SUGCT: variants seen among roughly 807,000 people sequenced by gnomAD.
SUGCT encodes the protein succinyl-CoA:glutarate CoA-transferase.
In SUGCT, 41 loss-of-function variants were observed where a neutral mutation model predicts 55.0. That is an observed-to-expected ratio of 0.74 (90% CI 0.58 to 0.97). The LOEUF is 0.97. Among genes scored for constraint, SUGCT ranks in the 50% least tolerant of loss-of-function variants. The pLI is 0.00. For synonymous variants in SUGCT, 187 were observed against 200.4 expected (o/e 0.93, Z 0.56); for missense variants, 568 against 547.8 (o/e 1.04, Z -0.37).
At chr7:40,661,024 G>A (rs1205496483) in intron 12 of SUGCT, among the ~76,000 whole-genome samples, 1 of 152,134 alleles carries the variant, frequency 6.6e-6, no homozygotes, top group Non-Finnish European at 1.5e-5. Context: ...AACAATGTCA[G>A]TGAAAAAACA....
intron 10 of SUGCT, among the ~76,000 whole-genome samples, chr7:40,458,693 T>C (rs371172269): frequency 2.3e-4 from 35 of 152,308 alleles, no homozygotes; most frequent in African/African-American, 7.7e-4. Context: ...ACAAGATACA[T>C]GTAGATATGC....
At chr7:40,924,141 C>T in the SUGCT span, among the ~76,000 whole-genome samples, 2 of 152,140 alleles carry the variant, frequency 1.3e-5, no homozygotes, top group African/African-American at 2.4e-5. Context: ...TTTCCAGCCT[C>T]CAGAACTGTG....
chr7:40,307,536 A>T (rs1034244253), intron 8 of SUGCT, among the ~76,000 whole-genome samples: 1 of 152,204 alleles, frequency 6.6e-6, no homozygotes, highest in African/African-American at 2.4e-5. Context: ...AGATTATCAG[A>T]CTACTCAGTG....
chr7:40,867,193 TTA>T, the SUGCT span, among the ~76,000 whole-genome samples: 1 of 148,930 alleles, frequency 6.7e-6, no homozygotes, highest in South Asian at 2.1e-4. Flanking sequence ...ATATATATAT[TTA>T]TGTCTCTATA....
At chr7:40,313,030 A>G (rs1795247967) in intron 8 of SUGCT, among the ~76,000 whole-genome samples, 1 of 152,144 alleles carries the variant, frequency 6.6e-6, no homozygotes. Context: ...AATTGGGCAT[A>G]TTCTTCCTCA....
chr7:40,622,500 C>T (rs1300096067), intron 12 of SUGCT, among the ~76,000 whole-genome samples: 1 of 143,534 alleles, frequency 7.0e-6, no homozygotes, highest in Non-Finnish European at 1.5e-5. Context: ...TGATCTCAGA[C>T]TTAACTGCCC....
chr7:40,864,286 A>G (rs901831373), downstream of SUGCT, among the ~76,000 whole-genome samples: 4 of 152,118 alleles, frequency 2.6e-5, no homozygotes, highest in African/African-American at 9.7e-5. Context: ...CCTCCCAAGT[A>G]GCTGGGACTA....
chr7:40,799,269 CTTTTCT>C (rs1370928422), intron 13 of SUGCT, among the ~76,000 whole-genome samples: 1 of 152,026 alleles, frequency 6.6e-6, no homozygotes, highest in Non-Finnish European at 1.5e-5. Flanking sequence ...CCTTTCTTTC[CTTTTCT>C]TTTTCTTTTT....
At chr7:40,288,882 A>G (rs1793529145) in intron 8 of SUGCT, among the ~76,000 whole-genome samples, 1 of 152,200 alleles carries the variant, frequency 6.6e-6, no homozygotes, top group Non-Finnish European at 1.5e-5. Context: ...CAAAGTCTCA[A>G]TAGCCACATG....
chr7:40,516,143 A>G (rs1793218085), intron 12 of SUGCT, among the ~76,000 whole-genome samples: 3 of 152,146 alleles, frequency 2.0e-5, no homozygotes, highest in African/African-American at 4.8e-5. Context: ...GGTATTATTG[A>G]CGCGTTGTCT....
intron 9 of SUGCT, among the ~76,000 whole-genome samples, chr7:40,427,125 T>C (rs1787627351): frequency 6.6e-6 from 1 of 152,198 alleles, no homozygotes; most frequent in Non-Finnish European, 1.5e-5. Context: ...TAGCACATTT[T>C]AAATTTTGAT....
At chr7:40,245,423 A>ATATTTTTTTTTTTT (rs1344678220) in intron 7 of SUGCT, among the ~76,000 whole-genome samples, 1 of 54,606 alleles carries the variant, frequency 1.8e-5, no homozygotes, top group Non-Finnish European at 3.3e-5. Flanking sequence ...ATATATATAT[A>ATATTTTTTTTTTTT]TTTTTTTTTT....
the SUGCT span, among the ~76,000 whole-genome samples, chr7:40,881,259 T>C: frequency 1.3e-5 from 2 of 152,212 alleles, no homozygotes; most frequent in African/African-American, 4.8e-5. Context: ...CGCTGCTATA[T>C]AGAACACAAC....
intron 12 of SUGCT, among the ~76,000 whole-genome samples, chr7:40,527,141 GTCTTTATGA>G (rs1207618298): frequency 6.6e-6 from 1 of 152,096 alleles, no homozygotes; most frequent in Non-Finnish European, 1.5e-5. Flanking sequence ...ATTCCTTTAA[GTCTTTATGA>G]TCTAAATATT....
rs575478332 is a variant in SUGCT, at chr7:40,727,996, ATAC to A, written c.1090-21434_1090-21432del. On this transcript the variant is annotated intron_variant, in intron 12 of 13. Transcript: ENST00000335693. ...TTTTAGACAGGTTCTTACCAATTAGATACTACAAGTATTCTGAGATGAGCATTT... is the reference window on the plus strand; with the variant it reads ...TTTTAGACAGGTTCTTACCAATTAGATACAAGTATTCTGAGATGAGCATTT... Among the ~76,000 whole-genome samples the A allele has an allele frequency of 2.8e-4, 43 of 152,268 alleles. 1 individual carries two copies. The South Asian group carries it at 8.9e-3, about 32-fold the overall frequency.
intron 9 of SUGCT, among the ~76,000 whole-genome samples, chr7:40,319,513 C>T (rs1301297577): frequency 6.6e-6 from 1 of 152,188 alleles, no homozygotes; most frequent in East Asian, 1.9e-4. Flanking sequence ...CTGATGGTCA[C>T]AGGAGTTACT....
chr7:40,905,809 C>T, the SUGCT span, among the ~76,000 whole-genome samples: 1 of 151,224 alleles, frequency 6.6e-6, no homozygotes, highest in Non-Finnish European at 1.5e-5. Flanking sequence ...GCCTCAAATT[C>T]CTGGGCTCAA....
chr7:40,567,191 T>A (rs1028446100), intron 12 of SUGCT, among the ~76,000 whole-genome samples: 1 of 152,208 alleles, frequency 6.6e-6, no homozygotes, highest in Non-Finnish European at 1.5e-5. Flanking sequence ...TTGATAAAAG[T>A]GTATTGATTT....
chr7:40,645,768 A>G (rs1163379849), intron 12 of SUGCT, among the ~76,000 whole-genome samples: 1 of 151,788 alleles, frequency 6.6e-6, no homozygotes, highest in East Asian at 1.9e-4. Context: ...GGTCTACTGC[A>G]CAGTGAAGAG....
Sources: gnomAD v4.1 joint callset for allele counts (sites outside exome capture counted in the v4.1 genomes callset) on GRCh38, gnomAD v4.1.1 for gene constraint, MANE v1.5 for transcripts, NCBI Gene and HGNC (gene_info 2026-07-23, HGNC 2026-07-21) for gene names.